Variants in HEATR1 observed in about 807,000 individuals in gnomAD.
HEATR1 encodes HEAT repeat containing 1.
A neutral mutation model predicts 248.2 loss-of-function variants in HEATR1; 77 were observed. The observed-to-expected ratio is 0.31, with a 90% CI of 0.26 to 0.37. HEATR1 has a LOEUF of 0.37. Ranked by LOEUF, HEATR1 falls within the 10% of genes least tolerant of loss-of-function variation. The probability of loss-of-function intolerance (pLI) is 1.00; values close to 1 mark genes in which losing one functional copy is unlikely to be tolerated. For synonymous variants in HEATR1, 897 were observed against 923.1 expected, an observed-to-expected ratio of 0.97 and a Z score of 0.51; for missense variants, 2,420 against 2,504.9, an observed-to-expected ratio of 0.97 and a Z score of 0.72.
In HEATR1 at chr1:236,556,135, T is replaced by C. The variant is rs139348840; in HGVS notation, c.5479A>G (p.Lys1827Glu). 47 of 1,614,110 alleles carry C rather than the reference T, an allele frequency of 2.9e-5. No homozygotes were observed. The highest frequency in any genetic ancestry group is 3.6e-5 in the Non-Finnish European group (43 of 1,180,058). ...TTCTCAATCTGCTTGTAAGTTTTTT[T>C]GATGGCGGGCAACAGGACTCGGGGT... ...LAPRVLLPAI[K>E]KTYKQIEKNW... The change falls in exon 38 of 45, where the codon AAA (lysine) becomes GAA (glutamate). Residue 1827 changes from lysine (K) to glutamate (E), a missense_variant. Coordinates refer to ENST00000366582, the MANE Select transcript of HEATR1 (RefSeq NM_018072.6).
chr1:236,569,905 TAAAC>T (rs1261388777), intron 28 of HEATR1, among the ~76,000 whole-genome samples: 1 of 152,208 alleles, frequency 6.6e-6, no homozygotes, highest in Non-Finnish European at 1.5e-5. Context: ...GATGAACAGA[TAAAC>T]AAAATGTGGC....
intron 12 of HEATR1, among the ~76,000 whole-genome samples, chr1:236,590,167 A>C (rs1031596234): frequency 1.3e-5 from 2 of 152,272 alleles, no homozygotes; most frequent in African/African-American, 2.4e-5. Context: ...AACAGTGTTC[A>C]AAAGTTATCA....
chr1:236,559,974 G>A (rs1178693399), intron 33 of HEATR1, 137 bp from the exon 34 acceptor site: 3 of 878,724 alleles, frequency 3.4e-6, no homozygotes, highest in Admixed American at 6.8e-5. Context: ...AAAACTACTC[G>A]GAAAGAAAGG....
chr1:236,590,983 AT>A (rs1664021468), intron 11 of HEATR1, 29 bp from the exon 12 acceptor site: 3 of 1,146,966 alleles, frequency 2.6e-6, no homozygotes, highest in African/African-American at 3.1e-5. Flanking sequence ...TTATCAAATG[AT>A]TTCACTTAAT....
chr1:236,585,264 A>T (rs1174907493), intron 16 of HEATR1, 48 bp from the exon 17 acceptor site: 4 of 1,528,656 alleles, frequency 2.6e-6, no homozygotes, highest in Non-Finnish European at 3.5e-6. Flanking sequence ...GATTTTCATA[A>T]AACAATTTTT....
intron 13 of HEATR1, 50 bp downstream of exon 13, chr1:236,587,898 C>T: frequency 7.7e-7 from 1 of 1,306,836 alleles, no homozygotes; most frequent in Non-Finnish European, 1.1e-6. Flanking sequence ...GTGAGAAGGG[C>T]AAGGAAATTT....
intron 12 of HEATR1, among the ~76,000 whole-genome samples, chr1:236,589,784 G>A (rs1663985711): frequency 6.6e-6 from 1 of 152,162 alleles, no homozygotes; most frequent in South Asian, 2.1e-4. Flanking sequence ...TTTTAGATAT[G>A]ACACAGATGG....
chr1:236,550,992 TA>T lies in HEATR1; in HGVS notation c.6347-3del, dbSNP rs55866014. The T allele has an allele frequency of 0.083, 102,320 of 1,230,754 alleles. 2 individuals are homozygous for T. The highest frequency in any genetic ancestry group is 0.15 in the Middle Eastern group (616 of 4,056). 76.2% of individuals were successfully genotyped at this position (1,230,754 alleles called of 1,614,324 possible). A position where few individuals can be genotyped will look rare whatever the true frequency, so the allele number is the denominator to read the frequency against. ...GATGTTCTACTTCTTCACATTCATC[TA>T]AAAAAAAAAAAAAAAAATCAAAATT... On this transcript the variant is annotated splice_polypyrimidine_tract_variant and splice_region_variant and intron_variant, in intron 44 of 44. Coordinates refer to ENST00000366582, the MANE Select transcript of HEATR1 (RefSeq NM_018072.6).
Position 236,591,998 on chromosome 1 carries a change from A to T in HEATR1, c.1417T>A (p.Tyr473Asn). The change falls in exon 11 of 45, where the codon TAT becomes AAT. Residue 473 changes from tyrosine to asparagine, a missense_variant. Physicochemically the swap from Tyr to Asn is moderately radical, Grantham distance 143. Transcript: ENST00000366582. Reference protein sequence around the residue: ...FVSLSTSGGKYQFLADSDTSL... With the variant: ...FVSLSTSGGKNQFLADSDTSL... ...TCCTTTGGAGAACAACATACCTGATACTTTCCTCCACTTGTAGAAAGAGAA... is the reference window on the plus strand; with the variant it reads ...TCCTTTGGAGAACAACATACCTGATTCTTTCCTCCACTTGTAGAAAGAGAA... 1 of 1,563,116 alleles carries T rather than the reference A, an allele frequency of 6.4e-7. No homozygotes were observed. The highest frequency in any genetic ancestry group is 8.8e-7 in the Non-Finnish European group (1 of 1,135,994).
Position 236,555,798 on chromosome 1 carries a change from A to G in HEATR1, c.5649+7T>C. The G allele has an allele frequency of 1.2e-6, 2 of 1,614,146 alleles. No homozygotes were observed. Among genetic ancestry groups the G allele is most frequent in the Non-Finnish European group, 1.7e-6 (2 of 1,180,010 alleles). On this transcript the variant is annotated splice_region_variant and intron_variant, in intron 39 of 44. Transcript: ENST00000366582. ...TTTAGGATTTGGAGGAGTGAACCTG[A>G]GCTTACCTCAGAGTGCTGGGCTCGG...
At chr1:236,564,402 T>C in intron 32 of HEATR1, 96 bp downstream of exon 32, 3 of 1,074,232 alleles carry the variant, frequency 2.8e-6, no homozygotes, top group African/African-American at 3.2e-5. Flanking sequence ...CCTCCCATTT[T>C]CATGAGCCAT....
Position 236,557,176 on chromosome 1 carries a change from C to A in HEATR1, c.5355+19G>T. 2 of 1,612,398 alleles carry A rather than the reference C, an allele frequency of 1.2e-6. No individual in the cohort carries two copies. The highest frequency in any genetic ancestry group is 2.2e-5 in the South Asian group (2 of 90,780). The stretch of plus-strand genomic sequence containing the variant: ...TCCCCAGCCACCCTGCGTAGCATGT[C>A]GTGGCTATCGTGGCTCACCTGGGAG... On this transcript the variant is annotated intron_variant, in intron 37 of 44. Coordinates refer to ENST00000366582, the MANE Select transcript of HEATR1 (RefSeq NM_018072.6).
Position 236,567,025 on chromosome 1 carries a change from G to C in HEATR1, c.4078-149C>G, listed in dbSNP as rs1354374236. 3 of 607,312 alleles carry C rather than the reference G, an allele frequency of 4.9e-6. No individual in the cohort carries two copies. The Admixed American group carries it at 8.6e-5, about 17-fold the overall frequency. The allele number at this position is 607,312 out of a possible 1,614,324, so 37.6% of individuals were successfully genotyped here. On this transcript the variant is annotated intron_variant, in intron 29 of 44. Transcript: ENST00000366582. ...TTTTAGAGACAGGGTCTTTCTCCAT[G>C]GCCCAGGCTGAAGTGCAGTGATGTG...
In HEATR1 at chr1:236,574,769, G is replaced by A. The variant is rs758011832; in HGVS notation, c.3219C>T (p.Ser1073=). The A allele has an allele frequency of 2.5e-6, 4 of 1,613,738 alleles. No individual in the cohort carries two copies. The highest frequency in any genetic ancestry group is 1.7e-5 in the Admixed American group (1 of 59,986). The part of the protein sequence containing the change: ...TLGKYNEFSV[S]LLNEDPKSLD... ...GACTCTTCGGATCCTCATTTAAAAG[G>A]GAAACTGAAAATTCATTATACTTTC... The change falls in exon 23 of 45, where the codon TCC becomes TCT. Residue 1073 remains serine, a synonymous_variant. Coordinates refer to ENST00000366582, the MANE Select transcript of HEATR1 (RefSeq NM_018072.6).
intron 43 of HEATR1, 35 bp from the exon 44 acceptor site, chr1:236,552,142 AGTG>A (rs747065578): frequency 7.4e-7 from 1 of 1,358,258 alleles, no homozygotes; most frequent in Non-Finnish European, 1.1e-6. Context: ...AATAAAAAGT[AGTG>A]TTACTGTATT....
chr1:236,551,161 C>A (rs533029129), intron 44 of HEATR1, 171 bp from the exon 45 acceptor site: 3 of 570,358 alleles, frequency 5.3e-6, no homozygotes, highest in Non-Finnish European at 9.1e-6. Flanking sequence ...CCCTCCACAC[C>A]GCTCCTTCCG....
chr1:236,591,737 C>T (rs1406079141), intron 11 of HEATR1, among the ~76,000 whole-genome samples: 1 of 88,220 alleles, frequency 1.1e-5, no homozygotes, highest in African/African-American at 3.0e-5. Context: ...ATGAATATCC[C>T]ATACAAAATT....
At chr1:236,557,504 G>C (rs1351432460) in intron 36 of HEATR1, among the ~76,000 whole-genome samples, 159 bp from the exon 37 acceptor site, 1 of 152,212 alleles carries the variant, frequency 6.6e-6, no homozygotes, top group African/African-American at 2.4e-5. Flanking sequence ...ATGTGGCTAA[G>C]CACAAGAAAT....
chr1:236,586,463 T>C lies in HEATR1; in HGVS notation c.1716-11A>G, dbSNP rs1013283836. The C allele has an allele frequency of 1.1e-5, 17 of 1,583,172 alleles. No homozygotes were observed. The highest frequency in any genetic ancestry group is 1.4e-5 in the Non-Finnish European group (16 of 1,153,220). On this transcript the variant is annotated splice_polypyrimidine_tract_variant and intron_variant, in intron 14 of 44. Coordinates refer to ENST00000366582, the MANE Select transcript of HEATR1 (RefSeq NM_018072.6). ...TTAAGTACCTCGTACCTAAAAGACA[T>C]GCAAGCACACTTGGTTGAAAGACAC...
Sources: allele counts gnomAD v4.1 joint callset (sites outside exome capture counted in the v4.1 genomes callset), GRCh38; gene constraint gnomAD v4.1.1; transcripts MANE v1.5; gene names NCBI Gene and HGNC (gene_info 2026-07-23, HGNC 2026-07-21).